Variants in CENPN observed in about 807,000 individuals in gnomAD.
CENPN encodes the protein interphase centromere complex protein 32.
A neutral mutation model predicts 48.6 loss-of-function variants in CENPN; 36 were observed. That is an observed-to-expected ratio of 0.74 (90% CI 0.57 to 0.98). The LOEUF is 0.98. CENPN is among the 50% of genes least tolerant of loss of function. CENPN has a pLI of 0.00. For missense variants in CENPN, 439 were observed against 399.2 expected (o/e 1.10, Z -0.85); for synonymous variants, 166 against 135.2 (o/e 1.23, Z -1.58).
chr16:81,031,418 C>G lies in CENPN; in HGVS notation c.*2767C>G, dbSNP rs770965853. On this transcript the variant is annotated 3_prime_UTR_variant, in exon 11 of 11. Transcript: ENST00000305850. ...CCCTCTCTCTTCAGAACACAAGTGG[C>G]TTCTAGCTGAATCTGTCTCCCAAAT... 2.0e-5 allele frequency: 3 copies of G among 152,204 alleles called. No individual in the cohort carries two copies. Among genetic ancestry groups the G allele is most frequent in the Non-Finnish European group, 4.4e-5 (3 of 68,048 alleles). The allele number at this position is 152,204 out of a possible 1,614,324, so 9.4% of individuals were successfully genotyped here.
chr16:81,026,676 A>G (rs761995940), intron 9 of CENPN, 38 bp downstream of exon 9: 13 of 1,033,544 alleles, frequency 1.3e-5, no homozygotes, highest in Admixed American at 2.2e-5. Flanking sequence ...CAAGATATCA[A>G]CATTGTTTAA....
rs1164688741 is a variant in CENPN, at chr16:81,028,900, C to G, written c.*249C>G. On this transcript the variant is annotated 3_prime_UTR_variant, in exon 11 of 11. Transcript: ENST00000305850. ...TGACAGGACATATATATATATGGCCCCACACTTGACCTTGAGTGCCTGAAT... is the reference window on the plus strand; with the variant it reads ...TGACAGGACATATATATATATGGCCGCACACTTGACCTTGAGTGCCTGAAT... The G allele has an allele frequency of 8.6e-7, 1 of 1,158,290 alleles. No homozygotes were observed. The highest frequency in any genetic ancestry group is 1.1e-6 in the Non-Finnish European group (1 of 941,330). 71.8% of individuals were successfully genotyped at this position (1,158,290 alleles called of 1,614,324 possible). A position where few individuals can be genotyped will look rare whatever the true frequency, so the allele number is the denominator to read the frequency against.
At chr16:81,024,464 G>A (rs1970367914) in intron 7 of CENPN, 1 of 268,846 alleles carries the variant, frequency 3.7e-6, no homozygotes, top group Non-Finnish European at 6.9e-6. Flanking sequence ...TAGATTCCCT[G>A]GGCTCTGCAC....
chr16:81,026,299 AT>A (rs771269135), intron 8 of CENPN, among the ~76,000 whole-genome samples: 3 of 151,830 alleles, frequency 2.0e-5, no homozygotes, highest in Non-Finnish European at 2.9e-5. Flanking sequence ...AACAGTGCTT[AT>A]CTCTGGGTGG....
At chr16:81,022,564 C>G (rs1464573603) in intron 6 of CENPN, 33 bp from the exon 7 acceptor site, 19 of 1,547,924 alleles carry the variant, frequency 1.2e-5, no homozygotes, top group Non-Finnish European at 1.5e-5. Context: ...AGGCAGTAAT[C>G]CTAGTAATAG....
intron 7 of CENPN, 168 bp downstream of exon 7, chr16:81,022,866 T>C (rs776349648): frequency 3.1e-6 from 5 of 1,610,986 alleles, no homozygotes; most frequent in Non-Finnish European, 8.5e-7. Flanking sequence ...TAAAAATTCC[T>C]CACAGTCATC....
At chr16:81,024,618 AAT>A (rs1420316694) in intron 7 of CENPN, 95 bp from the exon 8 acceptor site, 23 of 796,136 alleles carry the variant, frequency 2.9e-5, no homozygotes, top group Non-Finnish European at 2.0e-6. Context: ...GTTGGAAAAA[AAT>A]AAACATTTGA....
chr16:81,027,231 C>T (rs1970542787), intron 9 of CENPN, among the ~76,000 whole-genome samples: 1 of 152,126 alleles, frequency 6.6e-6, no homozygotes, highest in South Asian at 2.1e-4. Flanking sequence ...TGGCTCACAC[C>T]TATAATCCCA....
intron 9 of CENPN, among the ~76,000 whole-genome samples, chr16:81,027,193 G>A (rs1042536235): frequency 2.1e-4 from 32 of 152,100 alleles, no homozygotes; most frequent in African/African-American, 7.7e-4. Context: ...ATAATTAGAA[G>A]TTAAAAAGAT....
In CENPN at chr16:81,012,796, TG is replaced by T. The variant is rs764689769; in HGVS notation, c.171+687del. 2.6e-5 allele frequency among the ~76,000 whole-genome samples: 4 copies of T among 152,338 alleles called. No homozygotes were observed. The East Asian group carries it at 7.7e-4, about 29-fold the overall frequency. The stretch of plus-strand genomic sequence containing the variant: ...TTTCAGTAGAGACGAGGTTTTGCCA[TG>T]TTGGCCAGGTTGGTGTCAAACTCCT... On this transcript the variant is annotated intron_variant, in intron 2 of 10. Coordinates refer to ENST00000305850, the MANE Select transcript of CENPN (RefSeq NM_001100624.3).
Position 81,012,088 on chromosome 16 carries a change from A to G in CENPN, c.149A>G (p.Gln50Arg). Residue 50 changes from glutamine to arginine, a missense_variant, in exon 2 of 11, where the codon CAG (glutamine) becomes CGG (arginine). Transcript: ENST00000305850. ...NFRQRKESVVQHLIHLCEEKR... is the reference protein window; with the variant it reads ...NFRQRKESVVRHLIHLCEEKR... ...CGACAGAGAAAGGAATCTGTAGTTC[A>G]GCACTTGATCCATCTGTGTGAGGTA... 8 of 1,614,160 alleles carry G rather than the reference A, an allele frequency of 5.0e-6. No individual in the cohort carries two copies. The highest frequency in any genetic ancestry group is 6.8e-6 in the Non-Finnish European group (8 of 1,180,012).
chr16:81,026,417 T>G (rs1459832839), intron 8 of CENPN, 109 bp from the exon 9 acceptor site: 1 of 477,450 alleles, frequency 2.1e-6, no homozygotes, highest in Non-Finnish European at 3.7e-6. Flanking sequence ...GCAGTAAATA[T>G]TATTTTAAAA....
At chr16:81,026,063 A>ATGTG (rs1326309670) in intron 8 of CENPN, among the ~76,000 whole-genome samples, 5 of 41,518 alleles carry the variant, frequency 1.2e-4, no homozygotes, top group Non-Finnish European at 2.6e-4. Flanking sequence ...ATATATATAT[A>ATGTG]TATATATGTG....
chr16:81,031,995 G>A (rs910178504), downstream of CENPN, among the ~76,000 whole-genome samples: 1 of 152,144 alleles, frequency 6.6e-6, no homozygotes, highest in African/African-American at 2.4e-5. Context: ...GGAATATTGA[G>A]GCACAGAAAA....
chr16:81,014,044 T>C, intron 2 of CENPN, 92 bp from the exon 3 acceptor site: 1 of 947,374 alleles, frequency 1.1e-6, no homozygotes, highest in Non-Finnish European at 1.7e-6. Context: ...AATGTGCTAA[T>C]AGTCTGTTCT....
At chr16:81,020,070 A>G (rs2151691030) in intron 5 of CENPN, 30 bp from the exon 6 acceptor site, 1 of 1,512,108 alleles carries the variant, frequency 6.6e-7, no homozygotes, top group Non-Finnish European at 8.8e-7. Flanking sequence ...TAATTAGGAA[A>G]TTAAGCCTTT....
At chr16:81,007,947 A>C (rs1318824371) in intron 1 of CENPN, among the ~76,000 whole-genome samples, 1 of 151,998 alleles carries the variant, frequency 6.6e-6, no homozygotes, top group Non-Finnish European at 1.5e-5. Flanking sequence ...TCTCTACTAA[A>C]AATACAAAAA....
intron 4 of CENPN, 46 bp from the exon 5 acceptor site, chr16:81,017,712 A>G (rs983212558): frequency 1.5e-6 from 2 of 1,318,492 alleles, no homozygotes; most frequent in African/African-American, 1.5e-5. Flanking sequence ...TACTGAAGAC[A>G]TTGTAGCTCC....
At chr16:81,019,562 G>T (rs1190723458) in intron 5 of CENPN, among the ~76,000 whole-genome samples, 1 of 152,032 alleles carries the variant, frequency 6.6e-6, no homozygotes, top group Non-Finnish European at 1.5e-5. Flanking sequence ...GCGTGTGCTA[G>T]GTCTGGGTTA....
Sources: allele counts gnomAD v4.1 joint callset (sites outside exome capture counted in the v4.1 genomes callset), GRCh38; gene constraint gnomAD v4.1.1; transcripts MANE v1.5; gene names NCBI Gene and HGNC (gene_info 2026-07-23, HGNC 2026-07-21).